UBE2QL1: variants seen among roughly 807,000 people sequenced by gnomAD.
The protein encoded by UBE2QL1 is ubiquitin conjugating enzyme E2 QL1.
In UBE2QL1, 5 loss-of-function variants were observed where a neutral mutation model predicts 12.6. The observed-to-expected ratio is 0.40, with a 90% CI of 0.21 to 0.83. The LOEUF (loss-of-function observed/expected upper bound fraction) is 0.83, where lower values mean the gene tolerates loss of function less well. UBE2QL1 is among the 40% of genes least tolerant of loss of function. The pLI is 0.37. For synonymous variants in UBE2QL1, 96 were observed against 94.5 expected (o/e 1.02, Z -0.10); for missense variants, 99 against 222.6 (o/e 0.44, Z 3.53).
At chr5:6,487,762 G>A (rs907157828) in intron 1 of UBE2QL1, among the ~76,000 whole-genome samples, 4 of 152,224 alleles carry the variant, frequency 2.6e-5, no homozygotes, top group African/African-American at 9.6e-5. Flanking sequence ...GTGTGACATG[G>A]GTATCGTCTG....
At chr5:6,452,923 T>C (rs968434464) in intron 1 of UBE2QL1, among the ~76,000 whole-genome samples, 6 of 152,178 alleles carry the variant, frequency 3.9e-5, no homozygotes, top group Middle Eastern at 3.2e-3. Flanking sequence ...TCACTGTGGC[T>C]CACCTCCTGA....
At chr5:6,472,368 C>G (rs1407923847) in intron 1 of UBE2QL1, among the ~76,000 whole-genome samples, 1 of 152,144 alleles carries the variant, frequency 6.6e-6, no homozygotes, top group Non-Finnish European at 1.5e-5. Flanking sequence ...TGTGGATTGT[C>G]TCGAGGTATT....
intron 1 of UBE2QL1, among the ~76,000 whole-genome samples, chr5:6,464,431 G>T (rs1254253613): frequency 1.3e-5 from 2 of 152,228 alleles, no homozygotes; most frequent in Non-Finnish European, 2.9e-5. Flanking sequence ...TAGAATCATA[G>T]CACATACCTT....
At position 6,449,158 on chromosome 5, in the gene UBE2QL1, A is replaced by G. The variant is rs1739360987; in HGVS notation, c.265A>G (p.Met89Val). Residue 89 changes from methionine to valine, a missense_variant, in exon 1 of 2, where the codon ATG becomes GTG. By Grantham distance (21) the Met-to-Val change is conservative. Coordinates refer to ENST00000399816, the MANE Select transcript of UBE2QL1 (RefSeq NM_001145161.3). Reference sequence around the variant, plus strand: ...CGTGCTGGACGGCGGCGCCATCTGCATGGAGCTGCTCACGCCGCGCGGCTG... The same window carrying G: ...CGTGCTGGACGGCGGCGCCATCTGCGTGGAGCTGCTCACGCCGCGCGGCTG... Reference protein sequence around the residue: ...GYVLDGGAICMELLTPRGWSS... With the variant: ...GYVLDGGAICVELLTPRGWSS... 1.3e-6 allele frequency: 2 copies of G among 1,541,452 alleles called. No homozygotes were observed. Among genetic ancestry groups the G allele is most frequent in the African/African-American group, 1.4e-5 (1 of 72,726 alleles).
At chr5:6,461,536 A>ACCCCCCCCCCCC (rs1489545549) in intron 1 of UBE2QL1, among the ~76,000 whole-genome samples, 7 of 36,222 alleles carry the variant, frequency 1.9e-4, no homozygotes, top group Non-Finnish European at 3.4e-4. Flanking sequence ...GTTTTTCAGC[A>ACCCCCCCCCCCC]CCCACCACCC....
chr5:6,477,060 C>G (rs551855871), intron 1 of UBE2QL1, among the ~76,000 whole-genome samples: 1 of 152,240 alleles, frequency 6.6e-6, no homozygotes, highest in Middle Eastern at 3.4e-3. Flanking sequence ...GGGACAGGGG[C>G]AGGAAGTAGG....
chr5:6,490,605 C>T (rs933355980), intron 1 of UBE2QL1, among the ~76,000 whole-genome samples: 5 of 152,196 alleles, frequency 3.3e-5, no homozygotes, highest in African/African-American at 2.4e-5. Context: ...AAATGTCCAC[C>T]GTCACCTCAC....
intron 1 of UBE2QL1, among the ~76,000 whole-genome samples, chr5:6,457,092 C>G (rs191410473): frequency 6.6e-6 from 1 of 151,984 alleles, no homozygotes; most frequent in Admixed American, 6.5e-5. Flanking sequence ...CTCTAAAATG[C>G]AGACCTAGCT....
intron 1 of UBE2QL1, among the ~76,000 whole-genome samples, chr5:6,472,437 C>T (rs1244536733): frequency 6.6e-6 from 1 of 152,116 alleles, no homozygotes; most frequent in East Asian, 1.9e-4. Context: ...CACACTTCCC[C>T]GCAAACACCT....
Position 6,492,163 on chromosome 5 carries a change from G to A in UBE2QL1, c.*814G>A, listed in dbSNP as rs1040294846. ...TGCGAACAGTCTCGTCCGATGTTAG[G>A]AAATGGTCCTACGGCCGCGCCTTTG... is the stretch of plus-strand genomic sequence containing the variant. On this transcript the variant is annotated 3_prime_UTR_variant, in exon 2 of 2. Transcript: ENST00000399816. 1.3e-5 allele frequency: 2 copies of A among 152,234 alleles called. No individual in the cohort carries two copies. The highest frequency in any genetic ancestry group is 2.9e-5 in the Non-Finnish European group (2 of 68,050). The allele number at this position is 152,234 out of a possible 1,614,324, so 9.4% of individuals were successfully genotyped here. A position where few individuals can be genotyped will look rare whatever the true frequency, so the allele number is the denominator to read the frequency against.
At chr5:6,463,331 G>T (rs1739713552) in intron 1 of UBE2QL1, among the ~76,000 whole-genome samples, 2 of 152,168 alleles carry the variant, frequency 1.3e-5, no homozygotes, top group East Asian at 1.9e-4. Flanking sequence ...GCTGGGGAAA[G>T]AATTTGAGTT....
Position 6,478,322 on chromosome 5 carries a change from A to C in UBE2QL1, c.355-12896A>C, listed in dbSNP as rs962554831. Among the ~76,000 whole-genome samples the C allele has an allele frequency of 6.6e-6, 1 of 152,192 alleles. No homozygotes were observed. Among genetic ancestry groups the C allele is most frequent in the African/African-American group, 2.4e-5 (1 of 41,446 alleles). On this transcript the variant is annotated intron_variant, in intron 1 of 1. Transcript: ENST00000399816. The surrounding 1 kb of genome is among the most constrained non-coding windows in gnomAD (Gnocchi z 4.5). ...TGACATGAGCTTTCTCTGTCATTGTAAGTAACATGGCTTGGAAAGAGACCA... is the reference window on the plus strand; with the variant it reads ...TGACATGAGCTTTCTCTGTCATTGTCAGTAACATGGCTTGGAAAGAGACCA...
rs1016327585 is a variant in UBE2QL1, at chr5:6,496,353, T to C, written c.*5004T>C. Among the ~76,000 whole-genome samples the C allele has an allele frequency of 1.3e-5, 2 of 152,224 alleles. No individual in the cohort carries two copies. Among genetic ancestry groups the C allele is most frequent in the African/African-American group, 4.8e-5 (2 of 41,450 alleles). ...AATTGAACTAACACAGAAACTGCTGTCACCTGATGTGCTTGGTTTCATTCC... is the reference window on the plus strand; with the variant it reads ...AATTGAACTAACACAGAAACTGCTGCCACCTGATGTGCTTGGTTTCATTCC... On this transcript the variant is annotated 3_prime_UTR_variant, in exon 2 of 2. Transcript: ENST00000399816.
rs1314124609 is a variant in UBE2QL1 at position 6,495,740 on chromosome 5, A to G, written c.*4391A>G. Among the ~76,000 whole-genome samples, 2 of 152,232 alleles carry G rather than the reference A, an allele frequency of 1.3e-5. No individual in the cohort carries two copies. The highest frequency in any genetic ancestry group is 2.1e-4 in the South Asian group (1 of 4,828). ...CTGTAAGGGGCTTGGAGCTCAGCCT[A>G]TGGGACTGTAGTCAGAACTTTGTAA... On this transcript the variant is annotated 3_prime_UTR_variant, in exon 2 of 2. Coordinates refer to ENST00000399816, the MANE Select transcript of UBE2QL1 (RefSeq NM_001145161.3).
intron 1 of UBE2QL1, 42 bp downstream of exon 1, chr5:6,449,289 C>G: frequency 7.4e-7 from 1 of 1,348,176 alleles, no homozygotes; most frequent in Non-Finnish European, 9.5e-7. Flanking sequence ...GGGCCGAGAT[C>G]GGGTCTGCAG....
intron 1 of UBE2QL1, among the ~76,000 whole-genome samples, chr5:6,467,775 C>T (rs1469648874): frequency 1.2e-4 from 18 of 152,102 alleles, no homozygotes; most frequent in Admixed American, 1.0e-3. Context: ...TCTCCACCCG[C>T]GCCCCCCAGA....
intron 1 of UBE2QL1, among the ~76,000 whole-genome samples, chr5:6,453,952 T>C (rs1739465662): frequency 6.6e-6 from 1 of 152,144 alleles, no homozygotes; most frequent in Admixed American, 6.5e-5. Flanking sequence ...ATGATCATTG[T>C]TCACTGTAAT....
chr5:6,464,990 CT>C (rs763783935), intron 1 of UBE2QL1, among the ~76,000 whole-genome samples: 3,394 of 142,426 alleles, frequency 0.024, 73 homozygotes, highest in African/African-American at 0.065. Flanking sequence ...AGTTTTTATT[CT>C]TTTTTTTTTT....
intron 1 of UBE2QL1, among the ~76,000 whole-genome samples, chr5:6,483,264 C>T (rs1414665244): frequency 6.6e-6 from 1 of 152,016 alleles, no homozygotes; most frequent in Non-Finnish European, 1.5e-5. Context: ...GGTGAAACCC[C>T]GTCTCTACTG....
Sources: allele counts gnomAD v4.1 joint callset (sites outside exome capture counted in the v4.1 genomes callset), GRCh38; gene constraint gnomAD v4.1.1; non-coding constraint Gnocchi (gnomAD v3.1); transcripts MANE v1.5; gene names NCBI Gene and HGNC (gene_info 2026-07-23, HGNC 2026-07-21).